The following SLC22A9 variants were observed in gnomAD, a reference collection of about 807,000 sequenced individuals.
SLC22A9 encodes solute carrier family 22 member 9.
In SLC22A9, 64 loss-of-function variants were observed where a neutral mutation model predicts 50.1. The observed-to-expected ratio is 1.28, with a 90% CI of 1.04 to 1.57. SLC22A9 has a LOEUF of 1.57. SLC22A9 is among the 40% of genes most tolerant of loss of function. The pLI, the probability that SLC22A9 is intolerant of heterozygous loss-of-function variation, is 0.00. For synonymous variants in SLC22A9, 261 were observed against 242.5 expected, an observed-to-expected ratio of 1.08 and a Z score of -0.71; for missense variants, 757 against 676.1, an observed-to-expected ratio of 1.12 and a Z score of -1.33.
At chr11:63,374,172 C>T in intron 4 of SLC22A9, 110 bp downstream of exon 4, 2 of 1,043,298 alleles carry the variant, frequency 1.9e-6, no homozygotes, top group Non-Finnish European at 2.7e-6. Flanking sequence ...GAGAGCACGT[C>T]CTCTCATAAT....
chr11:63,406,471 G>C, intron 6 of SLC22A9, 26 bp from the exon 7 acceptor site: 7 of 1,594,462 alleles, frequency 4.4e-6, no homozygotes, highest in Non-Finnish European at 6.0e-6. Flanking sequence ...ATTATAATAT[G>C]TTTCTTTCCT....
intron 6 of SLC22A9, among the ~76,000 whole-genome samples, chr11:63,396,492 G>A (rs1211244868): frequency 6.6e-6 from 1 of 152,142 alleles, no homozygotes; most frequent in Admixed American, 6.5e-5. Context: ...GTTCAGGGGT[G>A]GAGGATCTCT....
chr11:63,406,468 T>C, intron 6 of SLC22A9, 29 bp from the exon 7 acceptor site: 4 of 1,586,660 alleles, frequency 2.5e-6, no homozygotes, highest in Non-Finnish European at 2.6e-6. Context: ...CAGATTATAA[T>C]ATGTTTCTTT....
At position 63,373,936 on chromosome 11, in the gene SLC22A9, C is replaced by T. The variant is rs2014411918; in HGVS notation, c.704C>T (p.Thr235Ile). Residue 235 changes from threonine to isoleucine, a missense_variant, in exon 4 of 10, where the codon ACA becomes ATA. Transcript: ENST00000279178. The part of the protein sequence containing the change: ...ATHRFQAMGI[T>I]LGMCPSGIAF... ...CACAGATTCCAGGCCATGGGAATTA[C>T]ATTGGGAATGTGCCCTTCTGGTATT... The T allele has an allele frequency of 1.9e-6, 3 of 1,613,646 alleles. No individual in the cohort carries two copies. Among genetic ancestry groups the T allele is most frequent in the Non-Finnish European group, 2.5e-6 (3 of 1,179,764 alleles).
Position 63,382,152 on chromosome 11 carries a change from G to GTGTCTAT in SLC22A9, c.955-6_955-5insGTCTATT, listed in dbSNP as rs2014574373. The stretch of plus-strand genomic sequence containing the variant: ...TGTACAGTTTATTGTTTCTGCTATT[G>GTGTCTAT]TTGAAGATTTTGAAATCCACCATGA... On this transcript the variant is annotated splice_polypyrimidine_tract_variant and splice_region_variant and intron_variant, in intron 5 of 9. Transcript: ENST00000279178. 6.3e-7 allele frequency: 1 copy of GTGTCTAT among 1,596,328 alleles called. No homozygotes were observed. Among genetic ancestry groups the GTGTCTAT allele is most frequent in the Non-Finnish European group, 8.5e-7 (1 of 1,170,876 alleles).
chr11:63,407,147 C>A (rs976169294), intron 7 of SLC22A9, among the ~76,000 whole-genome samples: 5 of 152,156 alleles, frequency 3.3e-5, no homozygotes, highest in African/African-American at 1.2e-4. Flanking sequence ...CCCTAATTCC[C>A]ATGTATCTAC....
intron 6 of SLC22A9, among the ~76,000 whole-genome samples, chr11:63,388,056 A>G (rs2014699767): frequency 6.6e-6 from 1 of 152,016 alleles, no homozygotes; most frequent in Admixed American, 6.6e-5. Flanking sequence ...TCTTGTTTCT[A>G]ATAGCTTTGT....
Position 63,382,292 on chromosome 11 carries a change from G to A in SLC22A9, c.1073+15G>A. The A allele has an allele frequency of 6.4e-7, 1 of 1,573,696 alleles. No homozygotes were observed. Among genetic ancestry groups the A allele is most frequent in the Non-Finnish European group, 8.7e-7 (1 of 1,155,414 alleles). ...TCCTTTACGAGGTAAGCTTCATGCA[G>A]TGTTTGAGGGTAAGTTACAGTACTG... On this transcript the variant is annotated intron_variant, in intron 6 of 9. Transcript: ENST00000279178.
chr11:63,383,050 C>T (rs1298888419), intron 6 of SLC22A9, among the ~76,000 whole-genome samples: 1 of 152,136 alleles, frequency 6.6e-6, no homozygotes, highest in Non-Finnish European at 1.5e-5. Context: ...TTTGTCTCAC[C>T]TCACTCAGAG....
intron 6 of SLC22A9, among the ~76,000 whole-genome samples, chr11:63,390,114 A>T (rs1033067376): frequency 6.6e-6 from 1 of 152,110 alleles, no homozygotes; most frequent in African/African-American, 2.4e-5. Flanking sequence ...ATTTTCTCCC[A>T]TTCTGTAGAT....
chr11:63,371,353 C>A, intron 2 of SLC22A9, 115 bp downstream of exon 2: 1 of 821,090 alleles, frequency 1.2e-6, no homozygotes, highest in East Asian at 2.9e-5. Context: ...TGCCCTGATC[C>A]CCAAACAGAA....
intron 6 of SLC22A9, among the ~76,000 whole-genome samples, chr11:63,388,720 AT>A (rs35546649): frequency 0.23 from 34,953 of 149,622 alleles, 4,372 homozygotes; most frequent in East Asian, 0.39. Context: ...CTCCACCTGT[AT>A]TTTTTTTTTG....
rs538541072 is a variant in SLC22A9, at chr11:63,387,504, T to C, written c.1073+5227T>C. Among the ~76,000 whole-genome samples the C allele has an allele frequency of 9.7e-4, 147 of 152,174 alleles. 3 individuals carry two copies. Among genetic ancestry groups the C allele is most frequent in the African/African-American group, 3.3e-3 (139 of 41,560 alleles). On this transcript the variant is annotated intron_variant, in intron 6 of 9. Coordinates refer to ENST00000279178, the MANE Select transcript of SLC22A9 (RefSeq NM_080866.3). ...CTATTCTGTTACACTGACCTAAGCA[T>C]ACACTGATCTATGTTTTTATGTCTG...
At position 63,370,415 on chromosome 11, in the gene SLC22A9, G is replaced by C; in HGVS notation, c.359G>C (p.Trp120Ser). 1 of 1,609,556 alleles carries C rather than the reference G, an allele frequency of 6.2e-7. No individual in the cohort carries two copies. The highest frequency in any genetic ancestry group is 8.5e-7 in the Non-Finnish European group (1 of 1,177,720). ...GACATGGAGCCCTGTGTGGATGGCT[G>C]GGTGTATGACAGAATCTCCTTCTCA... ...DADMEPCVDG[W>S]VYDRISFSST... Residue 120 changes from tryptophan to serine, a missense_variant, in exon 1 of 10, where the codon TGG becomes TCG. Transcript: ENST00000279178.
intron 6 of SLC22A9, among the ~76,000 whole-genome samples, chr11:63,384,811 A>C (rs2014631297): frequency 6.6e-6 from 1 of 151,954 alleles, no homozygotes; most frequent in African/African-American, 2.4e-5. Flanking sequence ...TTATTTCTTG[A>C]CTTTTTAATA....
chr11:63,387,402 C>A (rs537064737), intron 6 of SLC22A9, among the ~76,000 whole-genome samples: 1 of 152,088 alleles, frequency 6.6e-6, no homozygotes, highest in African/African-American at 2.4e-5. Context: ...AAAGACTGTC[C>A]TTTCCCCAAT....
chr11:63,398,489 C>A (rs1385419926), intron 6 of SLC22A9, among the ~76,000 whole-genome samples: 1 of 152,184 alleles, frequency 6.6e-6, no homozygotes, highest in African/African-American at 2.4e-5. Context: ...CTTGTCAGAA[C>A]CCAGATTCTG....
chr11:63,403,350 C>T (rs1234704744), intron 6 of SLC22A9, among the ~76,000 whole-genome samples: 1 of 151,942 alleles, frequency 6.6e-6, no homozygotes, highest in African/African-American at 2.4e-5. Context: ...AAATAAAAGG[C>T]TAACAAAAAT....
intron 6 of SLC22A9, among the ~76,000 whole-genome samples, chr11:63,383,503 A>G (rs1053307072): frequency 2.6e-5 from 4 of 152,154 alleles, no homozygotes; most frequent in Non-Finnish European, 5.9e-5. Context: ...ACAAGCCCCT[A>G]GAATCTCTAT....
Sources: allele counts gnomAD v4.1 joint callset (sites outside exome capture counted in the v4.1 genomes callset), GRCh38; gene constraint gnomAD v4.1.1; transcripts MANE v1.5; gene names NCBI Gene and HGNC (gene_info 2026-07-23, HGNC 2026-07-21).